Variants in SFMBT2 observed in about 807,000 individuals in gnomAD.
SFMBT2 encodes the protein Scm like with four mbt domains 2.
SFMBT2 carries 38 observed loss-of-function variants against 110.1 expected under a neutral mutation model. The observed-to-expected ratio is 0.35, with a 90% confidence interval of 0.27 to 0.45. The LOEUF (loss-of-function observed/expected upper bound fraction) is 0.45, where lower values mean the gene tolerates loss of function less well. Among genes scored for constraint, SFMBT2 ranks in the 20% least tolerant of loss-of-function variants. SFMBT2 has a pLI of 1.00. For synonymous variants in SFMBT2, 425 were observed against 425.4 expected (o/e 1.00, Z 0.01); for missense variants, 1,011 against 1,094.9 (o/e 0.92, Z 1.08).
chr10:7,394,321 C>T (rs1369123347), intron 1 of SFMBT2, among the ~76,000 whole-genome samples: 1 of 151,890 alleles, frequency 6.6e-6, no homozygotes, highest in Non-Finnish European at 1.5e-5. Context: ...TGCGTCGATG[C>T]CCACCCCTAA....
At chr10:7,319,921 AGAGAGACT>A (rs1843128826) in intron 4 of SFMBT2, among the ~76,000 whole-genome samples, 6 of 150,520 alleles carry the variant, frequency 4.0e-5, no homozygotes, top group South Asian at 4.2e-4. Flanking sequence ...AGAGAGAGAC[AGAGAGACT>A]GAGAGAGACA....
At chr10:7,194,257 G>A (rs1425355451) in intron 15 of SFMBT2, among the ~76,000 whole-genome samples, 1 of 152,070 alleles carries the variant, frequency 6.6e-6, no homozygotes, top group African/African-American at 2.4e-5. Flanking sequence ...TCGAATTGAG[G>A]CCAGACACGC....
chr10:7,193,143 C>T (rs1029201740), intron 15 of SFMBT2, among the ~76,000 whole-genome samples: 16 of 152,154 alleles, frequency 1.1e-4, no homozygotes, highest in Admixed American at 4.6e-4. Context: ...TTTCTATAAA[C>T]GTTCCTCTCT....
chr10:7,370,251 C>CACAGAGAAGACACAAGCTGCTT (rs759364983), intron 3 of SFMBT2, 30 bp downstream of exon 3: 10 of 1,586,772 alleles, frequency 6.3e-6, no homozygotes, highest in Non-Finnish European at 8.7e-6. Context: ...ACTTTCTAGA[C>CACAGAGAAGACACAAGCTGCTT]ACAGAGAAGA....
chr10:7,292,358 GA>G (rs1842285436), intron 4 of SFMBT2: 1 of 209,958 alleles, frequency 4.8e-6, no homozygotes, highest in Non-Finnish European at 8.3e-6. Flanking sequence ...CTTTCCCTTG[GA>G]GATTTGTAAA....
At chr10:7,262,185 G>T (rs1023234117) in intron 7 of SFMBT2, among the ~76,000 whole-genome samples, 1 of 151,754 alleles carries the variant, frequency 6.6e-6, no homozygotes, top group Admixed American at 6.6e-5. Context: ...AAGGCACTAC[G>T]GGGCTTAAAC....
intron 9 of SFMBT2, among the ~76,000 whole-genome samples, chr10:7,228,598 T>C (rs965706741): frequency 2.6e-5 from 4 of 152,152 alleles, no homozygotes; most frequent in Admixed American, 1.3e-4. Context: ...AGTTTGGATA[T>C]ACTGAGAGAG....
intron 4 of SFMBT2, chr10:7,292,184 A>C (rs1304188799): frequency 4.6e-6 from 1 of 218,694 alleles, no homozygotes; most frequent in Non-Finnish European, 7.8e-6. Flanking sequence ...AGCTCACAAG[A>C]GAACCGAGCC....
chr10:7,382,487 A>G (rs1423464917), intron 1 of SFMBT2, among the ~76,000 whole-genome samples: 1 of 152,216 alleles, frequency 6.6e-6, no homozygotes, highest in African/African-American at 2.4e-5. Flanking sequence ...GTCTCGGCGT[A>G]GCAAAACCAT....
chr10:7,288,766 C>A (rs896265821), intron 4 of SFMBT2, among the ~76,000 whole-genome samples: 1 of 151,996 alleles, frequency 6.6e-6, no homozygotes, highest in African/African-American at 2.4e-5. Flanking sequence ...TGCGGTGGCT[C>A]ACACCTGCAA....
At chr10:7,404,078 G>A (rs1041180931) in intron 1 of SFMBT2, among the ~76,000 whole-genome samples, 1 of 152,196 alleles carries the variant, frequency 6.6e-6, no homozygotes. Context: ...CCACACATAT[G>A]TATGATTAGT....
At chr10:7,211,200 T>C (rs1839338285) in intron 11 of SFMBT2, among the ~76,000 whole-genome samples, 1 of 151,194 alleles carries the variant, frequency 6.6e-6, no homozygotes, top group African/African-American at 2.4e-5. Context: ...GGGTGGGGGG[T>C]ATGTGTCTAG....
chr10:7,367,612 C>T lies in SFMBT2; in HGVS notation c.436+37G>A, dbSNP rs746233909. ...AAATTACAGGCGTCATGAAGGATGG[C>T]GGCTCGTAAATCGAAGCCTTTGAAA... On this transcript the variant is annotated intron_variant, in intron 4 of 20. Coordinates refer to ENST00000397167, the MANE Select transcript of SFMBT2 (RefSeq NM_001387889.1). This position sits in a 1 kb window ranked among gnomAD's most constrained non-coding sequence, Gnocchi z 6.2. The T allele has an allele frequency of 3.1e-5, 49 of 1,588,896 alleles. No homozygotes were observed. Among genetic ancestry groups the T allele is most frequent in the Non-Finnish European group, 4.1e-5 (48 of 1,166,646 alleles).
chr10:7,377,081 ATCACTT>A (rs1239476546), intron 2 of SFMBT2, among the ~76,000 whole-genome samples: 1 of 148,006 alleles, frequency 6.8e-6, no homozygotes, highest in East Asian at 2.0e-4. Flanking sequence ...AGGCAGGAGG[ATCACTT>A]GAACCAGGGA....
At chr10:7,210,437 G>A (rs1019740256) in intron 11 of SFMBT2, among the ~76,000 whole-genome samples, 4 of 152,210 alleles carry the variant, frequency 2.6e-5, no homozygotes, top group African/African-American at 9.7e-5. Context: ...CAGGGCGAGG[G>A]AGGCTACAAG....
At chr10:7,308,805 A>G (rs1842765773) in intron 4 of SFMBT2, among the ~76,000 whole-genome samples, 1 of 152,166 alleles carries the variant, frequency 6.6e-6, no homozygotes, top group Non-Finnish European at 1.5e-5. Context: ...GTTACACATG[A>G]ACTCTCTCAC....
In SFMBT2 at chr10:7,371,685, C is replaced by T. The variant is rs80109455; in HGVS notation, c.101-1310G>A. 5.7e-3 allele frequency among the ~76,000 whole-genome samples: 874 copies of T among 152,248 alleles called. 12 individuals are homozygous for T. Among genetic ancestry groups the T allele is most frequent in the African/African-American group, 0.02 (811 of 41,542 alleles). On this transcript the variant is annotated intron_variant, in intron 2 of 20. Transcript: ENST00000397167. ...CAGAAAGAGCTGTCCAAAATGCACACGAGAGTTCCAAAAGTTTAGATGATC... is the reference window on the plus strand; with the variant it reads ...CAGAAAGAGCTGTCCAAAATGCACATGAGAGTTCCAAAAGTTTAGATGATC...
At chr10:7,278,586 G>C (rs1365037811) in intron 6 of SFMBT2, among the ~76,000 whole-genome samples, 1 of 152,186 alleles carries the variant, frequency 6.6e-6, no homozygotes, top group East Asian at 1.9e-4. Context: ...CAGGCAGATG[G>C]AGAGTTCAAC....
rs2006663 is a variant in SFMBT2, at chr10:7,358,370, C to T, written c.436+9279G>A. Among the ~76,000 whole-genome samples, 350 of 151,830 alleles carry T rather than the reference C, an allele frequency of 2.3e-3. 11 individuals are homozygous for T. Among genetic ancestry groups the T allele is most frequent in the Admixed American group, 0.02 (309 of 15,224 alleles). The stretch of plus-strand genomic sequence containing the variant: ...TGACATCAACATGGCCCTAGAACAT[C>T]TGCATGGCCCTAGAACATCTGCATG... On this transcript the variant is annotated intron_variant, in intron 4 of 20. Transcript: ENST00000397167.
Sources: allele counts gnomAD v4.1 joint callset (sites outside exome capture counted in the v4.1 genomes callset), GRCh38; gene constraint gnomAD v4.1.1; non-coding constraint Gnocchi (gnomAD v3.1); transcripts MANE v1.5; gene names NCBI Gene and HGNC (gene_info 2026-07-23, HGNC 2026-07-21).